TNC: variants seen among roughly 807,000 people sequenced by gnomAD.
The protein encoded by TNC is tenascin C.
In TNC, 109 loss-of-function variants were observed where a neutral mutation model predicts 202.4. The observed-to-expected ratio is 0.54, with a 90% confidence interval of 0.46 to 0.63. The LOEUF (loss-of-function observed/expected upper bound fraction) is 0.63, where lower values mean the gene tolerates loss of function less well. Among genes scored for constraint, TNC ranks in the 30% least tolerant of loss-of-function variants. The probability of loss-of-function intolerance (pLI) is 0.00; values close to 1 mark genes in which losing one functional copy is unlikely to be tolerated. For synonymous variants in TNC, 1,007 were observed against 1,089.7 expected, an observed-to-expected ratio of 0.92 and a Z score of 1.50; for missense variants, 2,756 against 2,833.3, an observed-to-expected ratio of 0.97 and a Z score of 0.62.
chr9:115,063,134 G>C lies in TNC; in HGVS notation c.3816C>G (p.Leu1272=). 2 of 1,614,196 alleles carry C rather than the reference G, an allele frequency of 1.2e-6. No homozygotes were observed. The highest frequency in any genetic ancestry group is 8.5e-7 in the Non-Finnish European group (1 of 1,180,026). The change falls in exon 13 of 28, where the codon CTC becomes CTG. Residue 1272 remains leucine (L), a synonymous_variant. Coordinates refer to ENST00000350763, the MANE Select transcript of TNC (RefSeq NM_002160.4). ...CATCTGGCGTGGTCCAGTTCAGTCT[G>C]AGAGCATCCCAGCTAACCTCGGTCA... is the stretch of plus-strand genomic sequence containing the variant. The part of the protein sequence containing the change: ...LTVTEVSWDA[L]RLNWTTPDGT...
chr9:115,113,413 A>G (rs923783557), intron 1 of TNC, among the ~76,000 whole-genome samples: 3 of 152,200 alleles, frequency 2.0e-5, no homozygotes, highest in African/African-American at 7.2e-5. Flanking sequence ...ACTAGAAGCT[A>G]TGGTTGACTA....
intron 22 of TNC, among the ~76,000 whole-genome samples, chr9:115,032,241 T>C (rs2131702830): frequency 6.6e-6 from 1 of 152,266 alleles, no homozygotes; most frequent in South Asian, 2.1e-4. Flanking sequence ...TAGCTTCAGG[T>C]GTTAGAACAG....
intron 1 of TNC, among the ~76,000 whole-genome samples, chr9:115,095,616 GTA>G (rs1238669578): frequency 1.7e-3 from 3 of 1,716 alleles, no homozygotes; most frequent in African/African-American, 3.8e-3. Flanking sequence ...ATGTATATAT[GTA>G]TATATATATG....
At chr9:115,071,910 AT>A (rs1475994674) in intron 10 of TNC, among the ~76,000 whole-genome samples, 1 of 152,012 alleles carries the variant, frequency 6.6e-6, no homozygotes, top group African/African-American at 2.4e-5. Context: ...CCCCCACCTT[AT>A]TTTTTAATTA....
intron 9 of TNC, among the ~76,000 whole-genome samples, chr9:115,075,718 G>A (rs898412958): frequency 6.6e-6 from 1 of 152,136 alleles, no homozygotes; most frequent in African/African-American, 2.4e-5. Flanking sequence ...CCTGGAGGCG[G>A]AGGTTGCAGT....
chr9:115,084,987 C>A (rs1834597728), intron 3 of TNC, among the ~76,000 whole-genome samples: 1 of 152,178 alleles, frequency 6.6e-6, no homozygotes, highest in African/African-American at 2.4e-5. Flanking sequence ...GGCTTCCCTG[C>A]TTGCGCCACA....
Position 115,076,383 on chromosome 9 carries a change from A to G in TNC, c.2860+7T>C, listed in dbSNP as rs2133143354. 1 of 1,613,754 alleles carries G rather than the reference A, an allele frequency of 6.2e-7. No individual in the cohort carries two copies. Among genetic ancestry groups the G allele is most frequent in the Non-Finnish European group, 8.5e-7 (1 of 1,179,844 alleles). The stretch of plus-strand genomic sequence containing the variant: ...CTGGCTCAGGCTTGCAGAGATGCAG[A>G]GCTCACCTGTGAGTGTGGTTTTGGT... On this transcript the variant is annotated splice_region_variant and intron_variant, in intron 8 of 27. Coordinates refer to ENST00000350763, the MANE Select transcript of TNC (RefSeq NM_002160.4).
At chr9:115,111,399 C>CTCTCTTTTTTTTTTTTTTTTTTTT (rs1174066886) in intron 1 of TNC, among the ~76,000 whole-genome samples, 1 of 71,360 alleles carries the variant, frequency 1.4e-5, no homozygotes, top group African/African-American at 6.0e-5. Flanking sequence ...CTCTCTCTCT[C>CTCTCTTTTTTTTTTTTTTTTTTTT]TTTTTTTTTT....
At chr9:115,050,239 C>T (rs1388960892) in intron 15 of TNC, among the ~76,000 whole-genome samples, 1 of 152,144 alleles carries the variant, frequency 6.6e-6, no homozygotes, top group Non-Finnish European at 1.5e-5. Context: ...AAGAGTCCCT[C>T]CTGTTTTGTT....
In TNC at chr9:115,029,160, T is replaced by A. The variant is rs564973157; in HGVS notation, c.6169+200A>T. On this transcript the variant is annotated intron_variant, in intron 25 of 27. Transcript: ENST00000350763. ...TAAATTGATTGAGATCTGTCTCAGA[T>A]ACTTTTTGGTTTACATTTTGATGAT... Among the ~76,000 whole-genome samples the A allele has an allele frequency of 3.8e-4, 58 of 152,122 alleles. 1 individual carries two copies. In the South Asian group the frequency reaches 8.7e-3, roughly 23 times the overall value.
At chr9:115,053,742 A>C (rs1831885971) in intron 15 of TNC, among the ~76,000 whole-genome samples, 1 of 152,212 alleles carries the variant, frequency 6.6e-6, no homozygotes, top group Non-Finnish European at 1.5e-5. Context: ...ACAGTACTTA[A>C]TATGCATTGT....
intron 14 of TNC, among the ~76,000 whole-genome samples, chr9:115,058,949 GC>G (rs773525105): frequency 4.6e-5 from 7 of 152,120 alleles, no homozygotes; most frequent in Non-Finnish European, 8.8e-5. Flanking sequence ...CTGGGAGTTT[GC>G]CATCCAAAGG....
At chr9:115,042,869 G>C (rs1339989702) in intron 17 of TNC, among the ~76,000 whole-genome samples, 1 of 152,104 alleles carries the variant, frequency 6.6e-6, no homozygotes, top group Non-Finnish European at 1.5e-5. Flanking sequence ...CCCAGGAGTA[G>C]GCAGCAGAGC....
At chr9:115,036,854 G>A (rs766496367) in intron 20 of TNC, among the ~76,000 whole-genome samples, 3 of 152,122 alleles carry the variant, frequency 2.0e-5, no homozygotes, top group Non-Finnish European at 4.4e-5. Context: ...CAGGGACTGC[G>A]GGATTTCCTA....
intron 1 of TNC, among the ~76,000 whole-genome samples, chr9:115,116,828 T>G (rs1317726462): frequency 6.6e-6 from 1 of 152,064 alleles, no homozygotes; most frequent in Non-Finnish European, 1.5e-5. Flanking sequence ...CAGCCAAGTC[T>G]CAGACCTGCC....
intron 14 of TNC, 111 bp downstream of exon 14, chr9:115,059,619 A>C: frequency 1.7e-6 from 2 of 1,209,916 alleles, no homozygotes; most frequent in Admixed American, 4.6e-5. Context: ...CCGGCCACTG[A>C]AAGGCACATG....
chr9:115,066,865 T>C (rs1832993987), intron 10 of TNC, among the ~76,000 whole-genome samples: 1 of 152,242 alleles, frequency 6.6e-6, no homozygotes. Context: ...TGTTACAAAA[T>C]GTGCAGTTGA....
Position 115,090,907 on chromosome 9 carries a change from T to G in TNC, c.112A>C (p.Asn38His). 1 of 1,614,134 alleles carries G rather than the reference T, an allele frequency of 6.2e-7. No individual in the cohort carries two copies. Among genetic ancestry groups the G allele is most frequent in the Admixed American group, 1.7e-5 (1 of 60,014 alleles). The change falls in exon 2 of 28, where the codon AAC becomes CAC. Residue 38 changes from asparagine (N) to histidine (H), a missense_variant. Around this residue, in one of 2 missense-constraint regions of TNC, gnomAD observed 2,559 missense variants for 2,546.0 expected, o/e 1.01. Transcript: ENST00000350763. ...TGGTTCTCTTCTGGCAGGGTGGCGT[T>G]CACCCCACTCTGTCGCTTGTGCCGG... ...VIRHKRQSGVNATLPEENQPV... is the reference protein window; with the variant it reads ...VIRHKRQSGVHATLPEENQPV...
At chr9:115,115,920 A>G (rs1343402580) in intron 1 of TNC, among the ~76,000 whole-genome samples, 1 of 152,224 alleles carries the variant, frequency 6.6e-6, no homozygotes, top group Non-Finnish European at 1.5e-5. Flanking sequence ...GAATATTTTC[A>G]TCATTAAAAA....
Sources: allele counts gnomAD v4.1 joint callset (sites outside exome capture counted in the v4.1 genomes callset), GRCh38; gene constraint gnomAD v4.1.1; regional missense constraint gnomAD v4.1.1; transcripts MANE v1.5; gene names NCBI Gene and HGNC (gene_info 2026-07-23, HGNC 2026-07-21).